Variants in DCAF6 observed in about 807,000 individuals in gnomAD.
DCAF6 encodes DDB1- and CUL4-associated factor 6.
In DCAF6, 54 loss-of-function variants were observed where a neutral mutation model predicts 125.1. That is an observed-to-expected ratio of 0.43 (90% confidence interval 0.35 to 0.54). The LOEUF is 0.54. Among genes scored for constraint, DCAF6 ranks in the 20% least tolerant of loss-of-function variants. The probability of loss-of-function intolerance (pLI) is 0.01; values close to 1 mark genes in which losing one functional copy is unlikely to be tolerated. For synonymous variants in DCAF6, 371 were observed against 390.4 expected (o/e 0.95, Z 0.58); for missense variants, 934 against 1,161.7 (o/e 0.80, Z 2.85).
chr1:167,887,001 A>G, the DCAF6 span, among the ~76,000 whole-genome samples: 8 of 152,240 alleles, frequency 5.3e-5, no homozygotes, highest in Non-Finnish European at 1.0e-4. Context: ...ATGAGATACC[A>G]TCTCACACCA....
upstream of DCAF6, among the ~76,000 whole-genome samples, chr1:167,932,808 C>CAAA (rs965449372): frequency 3.6e-5 from 2 of 54,944 alleles, no homozygotes; most frequent in Non-Finnish European, 4.2e-5. Flanking sequence ...GACTCTGTCT[C>CAAA]AAAAAAAAAA....
At chr1:167,884,390 C>A in the DCAF6 span, among the ~76,000 whole-genome samples, 1 of 152,226 alleles carries the variant, frequency 6.6e-6, no homozygotes, top group East Asian at 1.9e-4. Context: ...TTCACTATCA[C>A]GAGAACAGCA....
At chr1:167,919,531 T>C in the DCAF6 span, among the ~76,000 whole-genome samples, 1 of 152,212 alleles carries the variant, frequency 6.6e-6, no homozygotes, top group Non-Finnish European at 1.5e-5. Flanking sequence ...AGCAAAGACC[T>C]CACTCTACGT....
intron 15 of DCAF6, 43 bp from the exon 16 acceptor site, chr1:168,044,857 G>T: frequency 6.3e-7 from 1 of 1,586,726 alleles, no homozygotes; most frequent in Non-Finnish European, 8.6e-7. Flanking sequence ...AATTAGTATT[G>T]CCCACATTAC....
At chr1:167,985,393 C>G (rs1679856994) in intron 4 of DCAF6, among the ~76,000 whole-genome samples, 1 of 152,142 alleles carries the variant, frequency 6.6e-6, no homozygotes, top group Admixed American at 6.5e-5. Context: ...AGGCTACTTG[C>G]ATTCCTTGGA....
At chr1:168,037,254 C>T (rs1240844130) in intron 12 of DCAF6, among the ~76,000 whole-genome samples, 1 of 151,914 alleles carries the variant, frequency 6.6e-6, no homozygotes, top group African/African-American at 2.4e-5. Flanking sequence ...ATAAGTCCTT[C>T]ATTGCAATAG....
chr1:168,007,006 GT>G (rs1236848985), intron 10 of DCAF6, among the ~76,000 whole-genome samples: 1 of 152,172 alleles, frequency 6.6e-6, no homozygotes, highest in Non-Finnish European at 1.5e-5. Context: ...GCCTCACACT[GT>G]TGCTCTCCAG....
intron 13 of DCAF6, among the ~76,000 whole-genome samples, chr1:168,041,732 A>G (rs1211175897): frequency 6.6e-6 from 1 of 151,922 alleles, no homozygotes; most frequent in Non-Finnish European, 1.5e-5. Flanking sequence ...ACTCAGTACC[A>G]TAATATTTTA....
At chr1:167,901,604 C>G in the DCAF6 span, 1 of 1,545,814 alleles carries the variant, frequency 6.5e-7, no homozygotes, top group Middle Eastern at 1.7e-4. Context: ...GAGAGATGCC[C>G]CAGGAGTCAA....
chr1:167,986,590 C>A lies in DCAF6; in HGVS notation c.439-905C>A, dbSNP rs867961616. ...TGGTTTTGGGTTTAAAACTGTTATA[C>A]CTCAGATCACCAGGCATTAGCTTCT... On this transcript the variant is annotated intron_variant, in intron 4 of 21. Transcript: ENST00000367840. Among the ~76,000 whole-genome samples the A allele has an allele frequency of 7.2e-5, 11 of 152,284 alleles. No individual in the cohort carries two copies. In the South Asian group the frequency reaches 2.1e-3, roughly 29 times the overall value.
chr1:167,950,173 C>CAAA (rs10668446), intron 1 of DCAF6, among the ~76,000 whole-genome samples: 69,074 of 151,834 alleles, frequency 0.45, 17,879 homozygotes, highest in African/African-American at 0.7. Context: ...AAAATTTTGA[C>CAAA]AAAGTTTCCA....
the DCAF6 span, among the ~76,000 whole-genome samples, chr1:167,864,598 GGAGA>G: frequency 4.6e-5 from 7 of 150,800 alleles, no homozygotes; most frequent in East Asian, 3.9e-4. Flanking sequence ...AGAGAGAGAG[GGAGA>G]GAGAGAGACA....
chr1:167,925,452 T>TAC, the DCAF6 span, among the ~76,000 whole-genome samples: 638 of 112,540 alleles, frequency 5.7e-3, 4 homozygotes, highest in African/African-American at 0.022. Context: ...CATATATATA[T>TAC]ATATATATAT....
At position 167,993,393 on chromosome 1, in the gene DCAF6, A is replaced by T; in HGVS notation, c.856A>T (p.Thr286Ser). The T allele has an allele frequency of 6.2e-7, 1 of 1,613,952 alleles. No homozygotes were observed. The highest frequency in any genetic ancestry group is 8.5e-7 in the Non-Finnish European group (1 of 1,179,850). ...ATATCTTTTTGACCCGAAAGATGAT[A>T]CAGCACGAGAACTTAAAACTCCTTC... ...YIYLFDPKDDTARELKTPSAE... is the reference protein window; with the variant it reads ...YIYLFDPKDDSARELKTPSAE... Residue 286 changes from threonine to serine, a missense_variant, in exon 7 of 22, where the codon ACA (threonine) becomes TCA (serine). Physicochemically the swap from Thr to Ser is moderately conservative, Grantham distance 58. Transcript: ENST00000367840.
chr1:168,001,270 G>A (rs1290982591), intron 7 of DCAF6, among the ~76,000 whole-genome samples: 1 of 152,010 alleles, frequency 6.6e-6, no homozygotes, highest in African/African-American at 2.4e-5. Context: ...CCAGTCTGGA[G>A]AAGAGTGTGA....
At chr1:167,953,052 T>C (rs1674220599) in intron 2 of DCAF6, among the ~76,000 whole-genome samples, 1 of 152,234 alleles carries the variant, frequency 6.6e-6, no homozygotes, top group Non-Finnish European at 1.5e-5. Context: ...TAAAAAGCGA[T>C]TGACATTTTC....
intron 12 of DCAF6, among the ~76,000 whole-genome samples, chr1:168,024,272 A>G (rs1244716759): frequency 6.6e-6 from 1 of 151,572 alleles, no homozygotes; most frequent in Non-Finnish European, 1.5e-5. Context: ...GCCTTTATAT[A>G]TTTTACAAAT....
At chr1:167,896,772 G>A in the DCAF6 span, 2 of 1,005,166 alleles carry the variant, frequency 2.0e-6, no homozygotes, top group Admixed American at 3.4e-5. Flanking sequence ...AGCAGAAAGA[G>A]AGTATGCTTT....
At position 167,991,241 on chromosome 1, in the gene DCAF6, T is replaced by C. The variant is rs1165872253; in HGVS notation, c.590T>C (p.Val197Ala). ...AACTGTCGACGTGCTGCCACGTCTG[T>C]TGCTATTTGCCCACCAATACCATAT... ...LINCRRAATS[V>A]AICPPIPYYL... The change falls in exon 6 of 22, where the codon GTT (valine) becomes GCT (alanine). Residue 197 changes from valine (V) to alanine (A), a missense_variant. Val to Ala is a moderately conservative substitution (Grantham distance 64). Coordinates refer to ENST00000367840, the MANE Select transcript of DCAF6 (RefSeq NM_001198956.2). 16 of 1,612,790 alleles carry C rather than the reference T, an allele frequency of 9.9e-6. No homozygotes were observed. Among genetic ancestry groups the C allele is most frequent in the Non-Finnish European group, 1.4e-5 (16 of 1,179,812 alleles).
Sources: gnomAD v4.1 joint callset for allele counts (sites outside exome capture counted in the v4.1 genomes callset) on GRCh38, gnomAD v4.1.1 for gene constraint, MANE v1.5 for transcripts, NCBI Gene and HGNC (gene_info 2026-07-23, HGNC 2026-07-21) for gene names.